Variants in CELF2 observed in about 807,000 individuals in gnomAD.
CELF2 encodes the protein CUGBP Elav-like family member 2, also known as CUG triplet repeat RNA-binding protein 2.
CELF2 carries 8 observed loss-of-function variants against 62.6 expected under a neutral mutation model. The ratio of observed to expected loss-of-function variants is 0.13; its 90% CI spans 0.07 to 0.23. The LOEUF is 0.23. Among genes scored for constraint, CELF2 ranks in the 10% least tolerant of loss-of-function variants. The pLI, the probability that CELF2 is intolerant of heterozygous loss-of-function variation, is 1.00. For missense variants in CELF2, 333 were observed against 671.0 expected, an observed-to-expected ratio of 0.50 and a Z score of 5.56; for synonymous variants, 258 against 250.0, an observed-to-expected ratio of 1.03 and a Z score of -0.30.
At chr10:10,536,059 C>T in the CELF2 span, among the ~76,000 whole-genome samples, 2 of 142,908 alleles carry the variant, frequency 1.4e-5, no homozygotes, top group Admixed American at 7.2e-5. Context: ...CTTGCTCTGT[C>T]GCCAGGCTGT....
chr10:10,946,797 C>A (rs187090540), intron 2 of CELF2: 1 of 152,186 alleles, frequency 6.6e-6, no homozygotes, highest in Non-Finnish European at 1.5e-5. Flanking sequence ...TAAGTTCATA[C>A]AACTAGGACC....
At chr10:10,954,423 T>C (rs1186850038) in intron 2 of CELF2, among the ~76,000 whole-genome samples, 1 of 151,932 alleles carries the variant, frequency 6.6e-6, no homozygotes, top group Non-Finnish European at 1.5e-5. Context: ...TTTTTGTATT[T>C]TTTTAGTAGA....
chr10:10,953,514 CT>C (rs2048545571), intron 2 of CELF2, among the ~76,000 whole-genome samples: 1 of 152,160 alleles, frequency 6.6e-6, no homozygotes, highest in South Asian at 2.1e-4. Flanking sequence ...CCTACACTTT[CT>C]TGTATATTGT....
chr10:10,659,081 C>G, the CELF2 span, among the ~76,000 whole-genome samples: 15 of 152,138 alleles, frequency 9.9e-5, no homozygotes, highest in African/African-American at 3.6e-4. Context: ...CAAACAGAAG[C>G]TACCTAGACC....
At chr10:10,867,096 A>G (rs2060435067) in intron 1 of CELF2, among the ~76,000 whole-genome samples, 1 of 152,198 alleles carries the variant, frequency 6.6e-6, no homozygotes, top group Non-Finnish European at 1.5e-5. Flanking sequence ...ATGTGCTGGT[A>G]AATGTTCAAC....
the CELF2 span, among the ~76,000 whole-genome samples, chr10:10,742,589 C>CAA: frequency 1.2e-4 from 16 of 128,110 alleles, no homozygotes; most frequent in South Asian, 2.5e-4. Flanking sequence ...GACTTTGTTG[C>CAA]AAAAAAAAAA....
At chr10:10,792,766 TC>T in the CELF2 span, among the ~76,000 whole-genome samples, 1 of 152,180 alleles carries the variant, frequency 6.6e-6, no homozygotes, top group Non-Finnish European at 1.5e-5. Flanking sequence ...GAAAATCTCA[TC>T]TCCCATGGCA....
chr10:10,828,000 T>TAA (rs66721705), intron 1 of CELF2, among the ~76,000 whole-genome samples: 751 of 60,650 alleles, frequency 0.012, 21 homozygotes, highest in Middle Eastern at 0.033. Flanking sequence ...AGGCTAGTCT[T>TAA]AAAAAAAAAA....
chr10:10,924,742 T>TTTTTTG (rs398012801), intron 2 of CELF2, among the ~76,000 whole-genome samples: 1 of 148,760 alleles, frequency 6.7e-6, no homozygotes, highest in East Asian at 2.0e-4. Context: ...TTTTTTTTTT[T>TTTTTTG]GCCTTCTGTG....
In CELF2 at chr10:11,257,811, C is replaced by G. The variant is rs1276964628; in HGVS notation, c.477C>G (p.Phe159Leu). ...ATGAGAACGACATCAGGGTGATGTT[C>G]TCTCCATTTGGCCAGATAGAAGAAT... The part of the protein sequence containing the change: ...KCNENDIRVM[F>L]SPFGQIEECR... The change falls in exon 5 of 13, where the codon TTC (phenylalanine) becomes TTG (leucine). Residue 159 changes from phenylalanine (F) to leucine (L), a missense_variant. Transcript: ENST00000633077. 2.5e-6 allele frequency: 4 copies of G among 1,614,056 alleles called. No homozygotes were observed. The highest frequency in any genetic ancestry group is 3.4e-6 in the Non-Finnish European group (4 of 1,179,962).
chr10:10,556,073 G>C, the CELF2 span, among the ~76,000 whole-genome samples: 2 of 151,942 alleles, frequency 1.3e-5, no homozygotes, highest in Non-Finnish European at 2.9e-5. Context: ...GGGTACATGT[G>C]CACATTGTGC....
chr10:10,955,323 T>C (rs912213041), intron 2 of CELF2, among the ~76,000 whole-genome samples: 1 of 152,246 alleles, frequency 6.6e-6, no homozygotes, highest in African/African-American at 2.4e-5. Context: ...CGCCTGCCTT[T>C]GGGGGCCTCA....
chr10:11,174,108 A>G (rs1017485543), intron 2 of CELF2, among the ~76,000 whole-genome samples: 1 of 152,190 alleles, frequency 6.6e-6, no homozygotes, highest in African/African-American at 2.4e-5. Flanking sequence ...ATGTTAAAGA[A>G]TCAAGGTCTT....
At chr10:10,509,641 C>T in the CELF2 span, among the ~76,000 whole-genome samples, 1 of 152,076 alleles carries the variant, frequency 6.6e-6, no homozygotes, top group East Asian at 1.9e-4. Flanking sequence ...AGAATAAATC[C>T]CAGCCTGCCC....
the CELF2 span, among the ~76,000 whole-genome samples, chr10:10,751,114 T>C: frequency 6.6e-6 from 1 of 152,268 alleles, no homozygotes; most frequent in African/African-American, 2.4e-5. Context: ...CTCACTGTGC[T>C]AACAATAGCT....
chr10:10,921,885 A>G (rs2064957566), intron 2 of CELF2, among the ~76,000 whole-genome samples: 1 of 152,176 alleles, frequency 6.6e-6, no homozygotes, highest in African/African-American at 2.4e-5. Flanking sequence ...GTACTCGATA[A>G]TCATGCGTGA....
intron 1 of CELF2, among the ~76,000 whole-genome samples, chr10:11,033,567 T>G (rs2060485858): frequency 6.6e-6 from 1 of 152,204 alleles, no homozygotes; most frequent in Non-Finnish European, 1.5e-5. Context: ...TCAGGGCACA[T>G]TTTTGACAGG....
At chr10:11,222,652 A>T (rs1194456411) in intron 3 of CELF2, among the ~76,000 whole-genome samples, 1 of 152,228 alleles carries the variant, frequency 6.6e-6, no homozygotes, top group Non-Finnish European at 1.5e-5. Flanking sequence ...TTTATAACCA[A>T]ATCACCAAAC....
At chr10:10,619,021 G>A in the CELF2 span, among the ~76,000 whole-genome samples, 1 of 151,536 alleles carries the variant, frequency 6.6e-6, no homozygotes, top group Non-Finnish European at 1.5e-5. Context: ...CCTGGCTGGC[G>A]CCATGTTGCC....
Sources: gnomAD v4.1 joint callset for allele counts (sites outside exome capture counted in the v4.1 genomes callset) on GRCh38, gnomAD v4.1.1 for gene constraint, MANE v1.5 for transcripts, NCBI Gene and HGNC (gene_info 2026-07-23, HGNC 2026-07-21) for gene names.